The following MICU1 variants were observed in gnomAD, a reference collection of about 807,000 sequenced individuals.
The protein encoded by MICU1 is mitochondrial calcium uptake 1, also known as calcium uptake protein 1, mitochondrial.
A neutral mutation model predicts 56.8 loss-of-function variants in MICU1; 45 were observed. That is an observed-to-expected ratio of 0.79 (90% CI 0.62 to 1.02). The LOEUF is 1.02. MICU1 is among the 50% of genes least tolerant of loss of function. MICU1 has a pLI of 0.00. For synonymous variants in MICU1, 186 were observed against 195.1 expected (o/e 0.95, Z 0.39); for missense variants, 504 against 587.1 (o/e 0.86, Z 1.46).
intron 1 of MICU1, among the ~76,000 whole-genome samples, chr10:72,608,720 A>G (rs901891108): frequency 1.3e-5 from 2 of 152,202 alleles, no homozygotes; most frequent in African/African-American, 4.8e-5. Context: ...ATATTTTAAG[A>G]TCGGCCTAAA....
chr10:72,589,694 A>G (rs1841168248), intron 1 of MICU1, among the ~76,000 whole-genome samples: 1 of 152,218 alleles, frequency 6.6e-6, no homozygotes, highest in Admixed American at 6.5e-5. Flanking sequence ...GAATACAAAA[A>G]TAGGTCAATG....
intron 10 of MICU1, chr10:72,392,042 A>G (rs1314564182): frequency 1.3e-5 from 2 of 152,344 alleles, no homozygotes; most frequent in Admixed American, 6.5e-5. Flanking sequence ...AGGATGACAC[A>G]CAAATTCGTG....
intron 5 of MICU1, chr10:72,533,203 A>G: frequency 8.9e-7 from 1 of 1,129,808 alleles, no homozygotes; most frequent in Non-Finnish European, 1.2e-6. Context: ...ATGAGACAAT[A>G]AAACTGAAAG....
chr10:72,523,990 C>T, intron 5 of MICU1: 1 of 1,274,662 alleles, frequency 7.8e-7, no homozygotes, highest in African/African-American at 1.5e-5. Flanking sequence ...AAAGTGCAAC[C>T]AAGCAACTGC....
chr10:72,458,026 G>A (rs1865525710), intron 8 of MICU1, among the ~76,000 whole-genome samples: 2 of 151,912 alleles, frequency 1.3e-5, no homozygotes, highest in Admixed American at 6.6e-5. Context: ...AATTAGCCAC[G>A]CGTGGTGGCA....
intron 9 of MICU1, among the ~76,000 whole-genome samples, chr10:72,421,085 G>A (rs531977979): frequency 1.3e-5 from 2 of 150,670 alleles, no homozygotes; most frequent in African/African-American, 4.9e-5. Flanking sequence ...CTTACATTGC[G>A]GCAAGTCTTG....
intron 8 of MICU1, among the ~76,000 whole-genome samples, chr10:72,427,733 A>AATATATATATATATAT (rs58696519): frequency 5.9e-5 from 8 of 136,346 alleles, no homozygotes; most frequent in South Asian, 5.0e-4. Flanking sequence ...CCATCTCTAA[A>AATATATATATATATAT]ATATATATAT....
chr10:72,491,163 G>A (rs563041384), intron 6 of MICU1, among the ~76,000 whole-genome samples: 39 of 152,170 alleles, frequency 2.6e-4, no homozygotes, highest in Non-Finnish European at 4.6e-4. Context: ...AAACAGTTCC[G>A]TCTCTGGGTG....
In MICU1 at chr10:72,423,216, C is replaced by T. The variant is rs1346570731; in HGVS notation, c.1071+18G>A. 1 of 1,607,388 alleles carries T rather than the reference C, an allele frequency of 6.2e-7. No homozygotes were observed. The highest frequency in any genetic ancestry group is 8.5e-7 in the Non-Finnish European group (1 of 1,177,158). On this transcript the variant is annotated intron_variant, in intron 9 of 11. Coordinates refer to ENST00000361114, the MANE Select transcript of MICU1 (RefSeq NM_001195518.2). Reference sequence around the variant, plus strand: ...CATTACCACGGTTTCTCTTCTTCCTCCAGCCAAAGCTACCTACCTTTCCTT... The same window carrying T: ...CATTACCACGGTTTCTCTTCTTCCTTCAGCCAAAGCTACCTACCTTTCCTT...
At chr10:72,432,875 A>G (rs1864586583) in intron 8 of MICU1, among the ~76,000 whole-genome samples, 1 of 152,178 alleles carries the variant, frequency 6.6e-6, no homozygotes. Flanking sequence ...CCATCTGTTA[A>G]TTTTGTTTAG....
At chr10:72,537,146 T>C (rs1196225487) in intron 4 of MICU1, among the ~76,000 whole-genome samples, 1 of 152,210 alleles carries the variant, frequency 6.6e-6, no homozygotes, top group Non-Finnish European at 1.5e-5. Flanking sequence ...TGACATGAAG[T>C]AGGCCAAGAC....
intron 8 of MICU1, among the ~76,000 whole-genome samples, chr10:72,460,527 T>C (rs1865609258): frequency 6.6e-6 from 1 of 152,080 alleles, no homozygotes; most frequent in South Asian, 2.1e-4. Flanking sequence ...TAATGAGAAA[T>C]AAAAGAGACT....
At chr10:72,388,426 G>C (rs1230088850) in intron 10 of MICU1, among the ~76,000 whole-genome samples, 1 of 152,146 alleles carries the variant, frequency 6.6e-6, no homozygotes, top group East Asian at 1.9e-4. Context: ...TGGTTCCAAA[G>C]GTAAAGATCA....
chr10:72,496,109 G>A (rs1866832705), intron 6 of MICU1, among the ~76,000 whole-genome samples: 1 of 151,730 alleles, frequency 6.6e-6, no homozygotes, highest in African/African-American at 2.4e-5. Context: ...TGGAACCACA[G>A]GCACACAACA....
chr10:72,563,590 G>T (rs1219233069), intron 2 of MICU1, among the ~76,000 whole-genome samples: 1 of 152,228 alleles, frequency 6.6e-6, no homozygotes. Flanking sequence ...AAGCAAGGAA[G>T]TTGCTCTTGA....
chr10:72,432,740 T>C (rs1864581785), intron 8 of MICU1, among the ~76,000 whole-genome samples: 1 of 152,156 alleles, frequency 6.6e-6, no homozygotes, highest in African/African-American at 2.4e-5. Context: ...CACCAGGCCA[T>C]TCATGAGGGA....
At chr10:72,460,717 C>T (rs944097671) in intron 8 of MICU1, among the ~76,000 whole-genome samples, 8 of 152,100 alleles carry the variant, frequency 5.3e-5, no homozygotes, top group Admixed American at 6.5e-5. Flanking sequence ...GTCTAGACTT[C>T]CCAGACTCCT....
chr10:72,563,132 A>AT, intron 2 of MICU1, 69 bp from the exon 3 acceptor site: 2 of 1,216,316 alleles, frequency 1.6e-6, no homozygotes, highest in South Asian at 5.0e-5. Context: ...AAGCAAACAG[A>AT]TACAGCTTAG....
chr10:72,466,795 G>C (rs1865807193), intron 8 of MICU1, among the ~76,000 whole-genome samples: 1 of 152,090 alleles, frequency 6.6e-6, no homozygotes, highest in South Asian at 2.1e-4. Flanking sequence ...CATGTCCCTT[G>C]ATACGGTCAT....
Sources: gnomAD v4.1 joint callset for allele counts (sites outside exome capture counted in the v4.1 genomes callset) on GRCh38, gnomAD v4.1.1 for gene constraint, MANE v1.5 for transcripts, NCBI Gene and HGNC (gene_info 2026-07-23, HGNC 2026-07-21) for gene names.